ASIC2: variants seen among roughly 807,000 people sequenced by gnomAD.
The protein encoded by ASIC2 is acid sensing ion channel subunit 2, also known as acid-sensing ion channel 2.
A neutral mutation model predicts 57.3 loss-of-function variants in ASIC2; 25 were observed. The observed-to-expected ratio is 0.44, with a 90% CI of 0.32 to 0.61. The LOEUF (loss-of-function observed/expected upper bound fraction) is 0.61. ASIC2 is among the 20% of genes least tolerant of loss of function. The probability of loss-of-function intolerance (pLI) is 0.06; values close to 1 mark genes in which losing one functional copy is unlikely to be tolerated. For synonymous variants in ASIC2, 319 were observed against 307.5 expected (o/e 1.04, Z -0.39); for missense variants, 641 against 738.1 (o/e 0.87, Z 1.52).
chr17:33,758,538 A>G (rs1264426217), intron 1 of ASIC2, among the ~76,000 whole-genome samples: 3 of 152,194 alleles, frequency 2.0e-5, no homozygotes, highest in Non-Finnish European at 2.9e-5. Flanking sequence ...GGTAGAATAC[A>G]TTAAGAGGTG....
chr17:33,302,803 T>G (rs1040200535), intron 1 of ASIC2, among the ~76,000 whole-genome samples: 7 of 152,178 alleles, frequency 4.6e-5, no homozygotes, highest in African/African-American at 9.7e-5. Context: ...GGAAGGAAGT[T>G]AACACAGAGT....
chr17:33,325,036 A>C (rs1198381243), intron 1 of ASIC2, among the ~76,000 whole-genome samples: 1 of 152,166 alleles, frequency 6.6e-6, no homozygotes, highest in African/African-American at 2.4e-5. Context: ...TCTGTGCTTG[A>C]TGCTTTCCGC....
At chr17:33,736,462 G>A (rs1909913811) in intron 1 of ASIC2, among the ~76,000 whole-genome samples, 1 of 152,146 alleles carries the variant, frequency 6.6e-6, no homozygotes, top group Admixed American at 6.5e-5. Flanking sequence ...AGGCAAGACA[G>A]CCCCCTGCCT....
intron 1 of ASIC2, among the ~76,000 whole-genome samples, chr17:33,765,399 C>A (rs1305140430): frequency 6.6e-6 from 1 of 152,140 alleles, no homozygotes; most frequent in Non-Finnish European, 1.5e-5. Flanking sequence ...TGAGCCACCG[C>A]GCCCGGCGAT....
In ASIC2 at chr17:33,428,928, G is replaced by A. The variant is rs188497553; in HGVS notation, c.556-316861C>T. ...TTCCCATCTCTGCACAATAACTCAGGGGGCTCGGCTGTCTCTTTGTACTCC... is the reference window on the plus strand; with the variant it reads ...TTCCCATCTCTGCACAATAACTCAGAGGGCTCGGCTGTCTCTTTGTACTCC... On this transcript the variant is annotated intron_variant, in intron 1 of 9. Coordinates refer to the ASIC2 transcript ENST00000359872. Among the ~76,000 whole-genome samples, 5 of 152,298 alleles carry A rather than the reference G, an allele frequency of 3.3e-5. No individual in the cohort carries two copies. In the East Asian group the frequency reaches 9.6e-4, roughly 29 times the overall value.
intron 1 of ASIC2, among the ~76,000 whole-genome samples, chr17:33,838,546 T>C (rs1357447427): frequency 6.6e-6 from 1 of 152,210 alleles, no homozygotes; most frequent in Non-Finnish European, 1.5e-5. Context: ...GGTTGTGTGA[T>C]AGTACTTGAA....
intron 1 of ASIC2, among the ~76,000 whole-genome samples, chr17:33,357,445 C>A (rs1384653386): frequency 6.6e-6 from 1 of 152,174 alleles, no homozygotes; most frequent in East Asian, 1.9e-4. Context: ...AGATCTTAGG[C>A]AGTTAGTTAT....
chr17:33,662,260 T>C (rs1907292757), intron 1 of ASIC2, among the ~76,000 whole-genome samples: 1 of 152,090 alleles, frequency 6.6e-6, no homozygotes, highest in Non-Finnish European at 1.5e-5. Flanking sequence ...GCTTCCTACC[T>C]CATAGGATTG....
chr17:33,055,543 GCT>G (rs1022477583), intron 3 of ASIC2, among the ~76,000 whole-genome samples: 10 of 152,132 alleles, frequency 6.6e-5, no homozygotes, highest in Non-Finnish European at 1.5e-4. Context: ...CGCTTGTCCT[GCT>G]CTGTCAGTCA....
chr17:33,577,543 C>T (rs1916664635), intron 1 of ASIC2, among the ~76,000 whole-genome samples: 1 of 152,146 alleles, frequency 6.6e-6, no homozygotes, highest in African/African-American at 2.4e-5. Flanking sequence ...TTAGTATTTC[C>T]TGGACTTCTC....
At chr17:33,215,896 T>C (rs917729659) in intron 1 of ASIC2, among the ~76,000 whole-genome samples, 9 of 152,208 alleles carry the variant, frequency 5.9e-5, no homozygotes, top group Non-Finnish European at 1.0e-4. Context: ...AGACGGGGTT[T>C]CACCGTGTTA....
rs148525394 is a variant in ASIC2 at position 33,663,036 on chromosome 17, C to T, written c.555+492942G>A. Among the ~76,000 whole-genome samples, 12 of 152,300 alleles carry T rather than the reference C, an allele frequency of 7.9e-5. No homozygotes were observed. In the East Asian group the frequency reaches 9.6e-4, roughly 12 times the overall value. On this transcript the variant is annotated intron_variant, in intron 1 of 9. Coordinates refer to the ASIC2 transcript ENST00000359872. ...TGACACCAGGCAACAGGTCTCCACA[C>T]GCACTCGCATGCGCCTGCACGCACA...
At chr17:33,405,611 G>A (rs1910446466) in intron 1 of ASIC2, among the ~76,000 whole-genome samples, 1 of 151,730 alleles carries the variant, frequency 6.6e-6, no homozygotes, top group Non-Finnish European at 1.5e-5. Flanking sequence ...AGCCTCCTGA[G>A]TAGCTGGGAT....
chr17:33,694,500 C>T (rs1567690954), intron 1 of ASIC2, among the ~76,000 whole-genome samples: 4 of 152,198 alleles, frequency 2.6e-5, no homozygotes, highest in South Asian at 2.1e-4. Flanking sequence ...GTTGTTTCCA[C>T]TACCTGAGCT....
chr17:34,123,579 G>A (rs186212571), intron 1 of ASIC2, among the ~76,000 whole-genome samples: 23 of 152,288 alleles, frequency 1.5e-4, no homozygotes, highest in Non-Finnish European at 1.8e-4. Context: ...CATAGGTGGT[G>A]TATTGGCTAA....
chr17:33,102,160 AT>A (rs1451123305), intron 2 of ASIC2, among the ~76,000 whole-genome samples: 22 of 152,166 alleles, frequency 1.4e-4, no homozygotes, highest in African/African-American at 4.8e-4. Context: ...TTACCTTCTC[AT>A]TCTCCAATAA....
chr17:34,152,516 C>T (rs1026171249), intron 1 of ASIC2, among the ~76,000 whole-genome samples: 1 of 152,184 alleles, frequency 6.6e-6, no homozygotes, highest in African/African-American at 2.4e-5. Context: ...GTAGCCACCT[C>T]TCCCTCCCTG....
chr17:33,651,218 T>G (rs1048292217), intron 1 of ASIC2, among the ~76,000 whole-genome samples: 3 of 152,152 alleles, frequency 2.0e-5, no homozygotes, highest in African/African-American at 7.2e-5. Flanking sequence ...TCTGGTTAAG[T>G]GTATTGTGCC....
chr17:33,291,277 C>A (rs1313364162), intron 1 of ASIC2, 131 bp downstream of exon 1: 65 of 1,425,662 alleles, frequency 4.6e-5, no homozygotes, highest in Non-Finnish European at 5.6e-5. Context: ...AGAATGGGTT[C>A]TGCCTTGGCA....
Sources: gnomAD v4.1 joint callset for allele counts (sites outside exome capture counted in the v4.1 genomes callset) on GRCh38, gnomAD v4.1.1 for gene constraint, MANE v1.5 for transcripts, NCBI Gene and HGNC (gene_info 2026-07-23, HGNC 2026-07-21) for gene names.